The following PPARGC1A variants were observed in gnomAD, a reference collection of about 807,000 sequenced individuals.
PPARGC1A encodes PPARG coactivator 1 alpha.
In PPARGC1A, 25 loss-of-function variants were observed where a neutral mutation model predicts 88.7. That is an observed-to-expected ratio of 0.28 (90% CI 0.21 to 0.39). The LOEUF is 0.39. PPARGC1A is among the 10% of genes least tolerant of loss of function. The probability of loss-of-function intolerance (pLI) is 1.00; values close to 1 mark genes in which losing one functional copy is unlikely to be tolerated. For synonymous variants in PPARGC1A, 363 were observed against 355.6 expected (o/e 1.02, Z -0.24); for missense variants, 880 against 968.7 (o/e 0.91, Z 1.22).
the PPARGC1A span, among the ~76,000 whole-genome samples, chr4:24,312,185 C>T: frequency 1.3e-5 from 2 of 152,208 alleles, no homozygotes; most frequent in Non-Finnish European, 2.9e-5. Context: ...CACCAATGAA[C>T]TTATGACAAC....
the PPARGC1A span, among the ~76,000 whole-genome samples, chr4:24,207,517 T>G: frequency 0.058 from 8,855 of 152,314 alleles, 326 homozygotes; most frequent in South Asian, 0.11. Context: ...AGTCATTTGC[T>G]GAAAAGAAAC....
the PPARGC1A span, among the ~76,000 whole-genome samples, chr4:23,939,302 T>A: frequency 6.6e-6 from 1 of 152,128 alleles, no homozygotes; most frequent in African/African-American, 2.4e-5. Flanking sequence ...TAAAATATGT[T>A]TGTTTGTTTT....
chr4:24,020,914 T>C, the PPARGC1A span, among the ~76,000 whole-genome samples: 1 of 152,192 alleles, frequency 6.6e-6, no homozygotes, highest in South Asian at 2.1e-4. Flanking sequence ...AGGGTGCTGT[T>C]ACGAGTTAAA....
At chr4:24,246,556 T>C in the PPARGC1A span, among the ~76,000 whole-genome samples, 2 of 152,296 alleles carry the variant, frequency 1.3e-5, no homozygotes, top group Non-Finnish European at 2.9e-5. Context: ...TTCAAGGCTA[T>C]AGTGAGCTGT....
chr4:23,812,150 C>A (rs1024312893), intron 10 of PPARGC1A, among the ~76,000 whole-genome samples: 1 of 151,688 alleles, frequency 6.6e-6, no homozygotes, highest in Admixed American at 6.6e-5. Context: ...CCTATGTTGG[C>A]CAGGCTGGTC....
At chr4:23,843,110 T>C (rs1175990180) in intron 2 of PPARGC1A, among the ~76,000 whole-genome samples, 1 of 152,106 alleles carries the variant, frequency 6.6e-6, no homozygotes, top group African/African-American at 2.4e-5. Flanking sequence ...AATCATTCTC[T>C]TTCTTCAACA....
the PPARGC1A span, among the ~76,000 whole-genome samples, chr4:24,324,898 G>C: frequency 2.2e-4 from 34 of 151,490 alleles, no homozygotes; most frequent in South Asian, 6.3e-4. Context: ...TCCCCTCCTC[G>C]CCAGCCCAAG....
the PPARGC1A span, among the ~76,000 whole-genome samples, chr4:24,053,726 T>C: frequency 5.3e-5 from 8 of 152,196 alleles, no homozygotes; most frequent in African/African-American, 1.9e-4. Flanking sequence ...TCATTTGTAG[T>C]ATGGGGATCA....
the PPARGC1A span, among the ~76,000 whole-genome samples, chr4:24,402,996 G>A: frequency 1.3e-5 from 2 of 152,120 alleles, no homozygotes; most frequent in East Asian, 1.9e-4. Flanking sequence ...GAAAATATTC[G>A]CTCTGATCCT....
the PPARGC1A span, among the ~76,000 whole-genome samples, chr4:24,077,046 A>G: frequency 6.6e-6 from 1 of 152,030 alleles, no homozygotes; most frequent in East Asian, 1.9e-4. Context: ...TGCCAAAACC[A>G]GAAAGTTTTT....
chr4:24,138,858 G>A, the PPARGC1A span, among the ~76,000 whole-genome samples: 1 of 152,134 alleles, frequency 6.6e-6, no homozygotes, highest in African/African-American at 2.4e-5. Flanking sequence ...AACACACAGA[G>A]ACTGTCTATT....
chr4:24,174,966 T>C, the PPARGC1A span, among the ~76,000 whole-genome samples: 6 of 152,098 alleles, frequency 3.9e-5, no homozygotes, highest in Admixed American at 1.3e-4. Flanking sequence ...TGTTGCAAAG[T>C]GTTTATCTTC....
chr4:23,998,962 T>C, the PPARGC1A span, among the ~76,000 whole-genome samples: 1 of 152,258 alleles, frequency 6.6e-6, no homozygotes. Context: ...GCTTGATTTA[T>C]TACGTGTCAT....
chr4:23,853,698 T>C (rs1729708271), intron 2 of PPARGC1A, among the ~76,000 whole-genome samples: 1 of 152,168 alleles, frequency 6.6e-6, no homozygotes, highest in Non-Finnish European at 1.5e-5. Flanking sequence ...CCCAGAAGGA[T>C]AGACAGAAAC....
At chr4:24,184,776 A>T in the PPARGC1A span, among the ~76,000 whole-genome samples, 1 of 152,254 alleles carries the variant, frequency 6.6e-6, no homozygotes, top group Admixed American at 6.5e-5. Context: ...TATGGCTCAA[A>T]GACAGCCCAG....
chr4:24,211,564 A>T, the PPARGC1A span, among the ~76,000 whole-genome samples: 1 of 152,140 alleles, frequency 6.6e-6, no homozygotes, highest in Admixed American at 6.6e-5. Context: ...AAGAAAAGGT[A>T]AGTTGGACCC....
At chr4:24,197,163 T>C in the PPARGC1A span, among the ~76,000 whole-genome samples, 4 of 152,182 alleles carry the variant, frequency 2.6e-5, no homozygotes, top group Non-Finnish European at 5.9e-5. Context: ...GGAAAGTTAG[T>C]ATTAGCCACC....
At chr4:23,874,705 G>A (rs1014411120) in intron 2 of PPARGC1A, among the ~76,000 whole-genome samples, 4 of 152,196 alleles carry the variant, frequency 2.6e-5, no homozygotes, top group Non-Finnish European at 5.9e-5. Context: ...TGCATAGCAG[G>A]ATTGTACCAC....
the PPARGC1A span, among the ~76,000 whole-genome samples, chr4:23,954,420 A>G: frequency 6.6e-6 from 1 of 152,054 alleles, no homozygotes; most frequent in Non-Finnish European, 1.5e-5. Context: ...AATGCAATAT[A>G]TACTCTCTTA....
Sources: gnomAD v4.1 joint callset for allele counts (sites outside exome capture counted in the v4.1 genomes callset) on GRCh38, gnomAD v4.1.1 for gene constraint, MANE v1.5 for transcripts, NCBI Gene and HGNC (gene_info 2026-07-23, HGNC 2026-07-21) for gene names.